COL11A1: variants seen among roughly 807,000 people sequenced by gnomAD.
COL11A1 encodes collagen alpha-1(XI) chain.
COL11A1 carries 74 observed loss-of-function variants against 265.2 expected under a neutral mutation model. The ratio of observed to expected loss-of-function variants is 0.28; its 90% CI spans 0.23 to 0.34. The LOEUF (loss-of-function observed/expected upper bound fraction) is 0.34. Among genes scored for constraint, COL11A1 ranks in the 10% least tolerant of loss-of-function variants. The pLI is 1.00. For synonymous variants in COL11A1, 816 were observed against 727.6 expected (o/e 1.12, Z -1.96); for missense variants, 2,165 against 2,263.6 (o/e 0.96, Z 0.88).
At chr1:102,947,164 T>C (rs1659379904) in intron 41 of COL11A1, among the ~76,000 whole-genome samples, 1 of 152,204 alleles carries the variant, frequency 6.6e-6, no homozygotes, top group South Asian at 2.1e-4. Context: ...TAGATGTTGA[T>C]GTTAGAAAAT....
intron 36 of COL11A1, among the ~76,000 whole-genome samples, chr1:102,971,031 A>AAAC (rs1304183288): frequency 9.2e-5 from 14 of 151,984 alleles, no homozygotes; most frequent in Non-Finnish European, 1.8e-4. Flanking sequence ...ACAAACAAAA[A>AAAC]AAAACCAAGA....
chr1:102,989,568 C>T lies in COL11A1; in HGVS notation c.2344G>A (p.Glu782Lys), dbSNP rs1413530833. 2 of 1,608,346 alleles carry T rather than the reference C, an allele frequency of 1.2e-6. No homozygotes were observed. Among genetic ancestry groups the T allele is most frequent in the South Asian group, 2.2e-5 (2 of 90,940 alleles). Residue 782 changes from glutamate to lysine, a missense_variant, in exon 29 of 67, where the codon GAA (glutamate) becomes AAA (lysine). Glu to Lys is a moderately conservative substitution (Grantham distance 56). Coordinates refer to ENST00000370096, the MANE Select transcript of COL11A1 (RefSeq NM_001854.4). ...GLKGSKGEKG[E>K]DGFPGFKGDM... ...CCTTTGAATCCTGGAAAACCATCTTCACCCTAAAACATTATAAAAGGAATT... is the reference window on the plus strand; with the variant it reads ...CCTTTGAATCCTGGAAAACCATCTTTACCCTAAAACATTATAAAAGGAATT...
In COL11A1 at chr1:102,979,131, T is replaced by A. The variant is rs201695194; in HGVS notation, c.2611-27A>T. The A allele has an allele frequency of 1.1e-4, 176 of 1,608,536 alleles. 1 individual carries two copies. The Middle Eastern group carries it at 1.2e-3, about 11-fold the overall frequency. ...TAGCAAAGACAGTTCAATTTCAATA[T>A]GCAGTATATCACAGTAAATTATGAG... is the stretch of plus-strand genomic sequence containing the variant. On this transcript the variant is annotated intron_variant, in intron 32 of 66. Coordinates refer to ENST00000370096, the MANE Select transcript of COL11A1 (RefSeq NM_001854.4).
chr1:102,894,492 C>T (rs1015293042), intron 57 of COL11A1, among the ~76,000 whole-genome samples: 5 of 151,548 alleles, frequency 3.3e-5, no homozygotes, highest in African/African-American at 1.2e-4. Context: ...CGTGATTGTG[C>T]CACTGCACTC....
chr1:103,037,026 T>G (rs191358318), intron 4 of COL11A1, among the ~76,000 whole-genome samples: 1,888 of 152,046 alleles, frequency 0.012, 35 homozygotes, highest in African/African-American at 0.042. Context: ...TCTCACTATT[T>G]TTTTTATCAA....
chr1:103,002,385 T>C (rs1271087799), intron 23 of COL11A1, 43 bp downstream of exon 23: 3 of 1,504,778 alleles, frequency 2.0e-6, no homozygotes, highest in African/African-American at 1.4e-5. Flanking sequence ...AGATAGCATC[T>C]TCCCCCCATT....
intron 14 of COL11A1, 112 bp from the exon 15 acceptor site, chr1:103,008,628 AT>A: frequency 1.1e-6 from 1 of 945,264 alleles, no homozygotes; most frequent in Non-Finnish European, 1.7e-6. Flanking sequence ...ATTTAATCAT[AT>A]TAGCATTAAC....
chr1:102,918,133 T>TAA (rs200075120), intron 49 of COL11A1, among the ~76,000 whole-genome samples: 4,883 of 151,636 alleles, frequency 0.032, 102 homozygotes, highest in Middle Eastern at 0.059. Context: ...ATAATTAATA[T>TAA]GTTTTATGAT....
At chr1:103,005,717 T>A (rs1356299194) in intron 18 of COL11A1, 121 bp downstream of exon 18, 5 of 1,122,588 alleles carry the variant, frequency 4.5e-6, no homozygotes, top group Non-Finnish European at 5.3e-6. Flanking sequence ...TCTATTAGAT[T>A]ATTAAGTGGA....
Position 102,898,112 on chromosome 1 carries a change from AG to A in COL11A1, c.4302+12del, listed in dbSNP as rs1557788888. The A allele has an allele frequency of 4.5e-6, 7 of 1,547,998 alleles. No homozygotes were observed. The highest frequency in any genetic ancestry group is 6.2e-6 in the Non-Finnish European group (7 of 1,136,080). On this transcript the variant is annotated intron_variant, in intron 57 of 66. Transcript: ENST00000370096. ...ATTCTCACTTTTTAAATGACTGAAAAGATCTTACTCACCATAGGACCAGGTG... is the reference window on the plus strand; with the variant it reads ...ATTCTCACTTTTTAAATGACTGAAAAATCTTACTCACCATAGGACCAGGTG...
At chr1:102,908,130 T>A (rs1440096478) in intron 54 of COL11A1, among the ~76,000 whole-genome samples, 1 of 152,116 alleles carries the variant, frequency 6.6e-6, no homozygotes, top group Non-Finnish European at 1.5e-5. Context: ...TCAGTGTAAT[T>A]TCTGGTACAC....
At chr1:103,043,815 C>T (rs1265203484) in intron 4 of COL11A1, among the ~76,000 whole-genome samples, 1 of 151,780 alleles carries the variant, frequency 6.6e-6, no homozygotes, top group African/African-American at 2.4e-5. Flanking sequence ...AGTCATTATT[C>T]TATAAATCAA....
intron 1 of COL11A1, among the ~76,000 whole-genome samples, chr1:103,086,071 C>T (rs1672832294): frequency 6.6e-6 from 1 of 152,112 alleles, no homozygotes; most frequent in South Asian, 2.1e-4. Flanking sequence ...TTAAAACATA[C>T]ATATAATATG....
chr1:102,984,010 T>C (rs987174494), intron 31 of COL11A1, 128 bp downstream of exon 31: 3 of 704,480 alleles, frequency 4.3e-6, no homozygotes, highest in Non-Finnish European at 7.1e-6. Context: ...CACTCTATGA[T>C]TTTCCTTGTG....
At chr1:103,060,248 C>G (rs1213255576) in intron 4 of COL11A1, among the ~76,000 whole-genome samples, 5 of 152,038 alleles carry the variant, frequency 3.3e-5, no homozygotes, top group Admixed American at 2.6e-4. Context: ...ATTCTGTACC[C>G]TGAGAAATCA....
chr1:102,972,267 C>T (rs1662042293), intron 36 of COL11A1, among the ~76,000 whole-genome samples: 1 of 152,012 alleles, frequency 6.6e-6, no homozygotes, highest in African/African-American at 2.4e-5. Context: ...TACTTTGCCA[C>T]TAATACAAGA....
intron 54 of COL11A1, among the ~76,000 whole-genome samples, chr1:102,911,067 T>G (rs1366782956): frequency 6.6e-6 from 1 of 152,110 alleles, no homozygotes. Context: ...ACTTTCCAAT[T>G]ACTTTCTAAG....
intron 38 of COL11A1, among the ~76,000 whole-genome samples, chr1:102,965,038 TAAG>T (rs1354279402): frequency 3.3e-5 from 5 of 152,176 alleles, no homozygotes; most frequent in Non-Finnish European, 7.3e-5. Flanking sequence ...GCAAAAATCT[TAAG>T]AAACACCTAA....
chr1:102,919,168 T>TA (rs11375518), intron 49 of COL11A1, among the ~76,000 whole-genome samples: 103,302 of 151,716 alleles, frequency 0.68, 39,068 homozygotes, highest in East Asian at 0.99. Context: ...CAACACCAAC[T>TA]ACTGGAACAG....
Sources: gnomAD v4.1 joint callset for allele counts (sites outside exome capture counted in the v4.1 genomes callset) on GRCh38, gnomAD v4.1.1 for gene constraint, MANE v1.5 for transcripts, NCBI Gene and HGNC (gene_info 2026-07-23, HGNC 2026-07-21) for gene names.